GYS2: variants seen among roughly 807,000 people sequenced by gnomAD.
The protein encoded by GYS2 is glycogen synthase 2.
In GYS2, 80 loss-of-function variants were observed where a neutral mutation model predicts 85.6. That is an observed-to-expected ratio of 0.93 (90% CI 0.78 to 1.13). GYS2 has a LOEUF of 1.13. Ranked by LOEUF, GYS2 falls within the 50% of genes most tolerant of loss-of-function variation. The pLI, the probability that GYS2 is intolerant of heterozygous loss-of-function variation, is 0.00. For synonymous variants in GYS2, 328 were observed against 300.7 expected, an observed-to-expected ratio of 1.09 and a Z score of -0.94; for missense variants, 881 against 854.9, an observed-to-expected ratio of 1.03 and a Z score of -0.38.
chr12:21,580,288 C>A, intron 2 of GYS2, 54 bp downstream of exon 2: 1 of 1,467,580 alleles, frequency 6.8e-7, no homozygotes, highest in Non-Finnish European at 9.5e-7. Context: ...TAGTTACAGT[C>A]TTTTTTCCCA....
chr12:21,576,592 G>A (rs1353790464), intron 2 of GYS2, among the ~76,000 whole-genome samples: 2 of 152,128 alleles, frequency 1.3e-5, no homozygotes, highest in African/African-American at 4.8e-5. Flanking sequence ...TATGGTTGCT[G>A]CCAGAGGTTT....
chr12:21,573,931 C>A (rs143610143), intron 4 of GYS2, among the ~76,000 whole-genome samples: 88 of 152,298 alleles, frequency 5.8e-4, no homozygotes, highest in African/African-American at 2.0e-3. Flanking sequence ...AGAAATCAGG[C>A]CTCTCACCTC....
intron 13 of GYS2, 105 bp from the exon 14 acceptor site, chr12:21,540,678 T>G: frequency 5.3e-6 from 5 of 937,648 alleles, no homozygotes; most frequent in Non-Finnish European, 8.6e-6. Flanking sequence ...ACCTATGCAT[T>G]ATCTACCCCC....
intron 12 of GYS2, among the ~76,000 whole-genome samples, chr12:21,545,237 G>T (rs1396075939): frequency 6.6e-6 from 1 of 152,214 alleles, no homozygotes; most frequent in African/African-American, 2.4e-5. Flanking sequence ...GAGGCCAACA[G>T]TTTGAGACCA....
At chr12:21,594,652 G>A (rs11524002) in intron 1 of GYS2, among the ~76,000 whole-genome samples, 7,633 of 152,122 alleles carry the variant, frequency 0.05, 260 homozygotes, top group Non-Finnish European at 0.07. Context: ...AATTAATATT[G>A]TTAAAATGGC....
intron 4 of GYS2, among the ~76,000 whole-genome samples, chr12:21,570,527 A>T (rs986469088): frequency 4.6e-5 from 7 of 152,260 alleles, no homozygotes; most frequent in Non-Finnish European, 8.8e-5. Context: ...AGACTTATTC[A>T]TCTTTCTATC....
intron 7 of GYS2, 45 bp downstream of exon 7, chr12:21,562,873 G>A: frequency 6.2e-7 from 1 of 1,607,246 alleles, no homozygotes; most frequent in Non-Finnish European, 8.5e-7. Context: ...ACAGAAGAAA[G>A]TTCTCCCTAC....
intron 12 of GYS2, 75 bp downstream of exon 12, chr12:21,546,269 A>C: frequency 9.5e-7 from 1 of 1,048,816 alleles, no homozygotes; most frequent in Non-Finnish European, 1.4e-6. Context: ...ATCAACTTTG[A>C]ATATTATATA....
In GYS2 at chr12:21,580,365, C is replaced by T. The variant is rs34225615; in HGVS notation, c.280G>A (p.Ala94Thr). Residue 94 changes from alanine (A) to threonine (T), a missense_variant, in exon 2 of 16, where the codon GCA becomes ACA. Ala to Thr is a moderately conservative substitution (Grantham distance 58). Transcript: ENST00000261195. ...ACCTGGCAGCCATGCTTATTCATTG[C>T]GTCCACTGCTCTTCTGACAGCATCA... ...VNDAVRRAVD[A>T]MNKHGCQVHF... 1.5e-3 allele frequency: 2,390 copies of T among 1,613,590 alleles called. 31 individuals carry two copies. In the African/African-American group the frequency reaches 0.026, roughly 18 times the overall value.
chr12:21,569,112 T>C, intron 4 of GYS2, 103 bp from the exon 5 acceptor site: 1 of 1,158,564 alleles, frequency 8.6e-7, no homozygotes, highest in East Asian at 2.4e-5. Context: ...CAAGGCTGTG[T>C]AAAAATTTAT....
At chr12:21,549,958 T>G (rs1944086677) in intron 11 of GYS2, among the ~76,000 whole-genome samples, 1 of 152,228 alleles carries the variant, frequency 6.6e-6, no homozygotes, top group Non-Finnish European at 1.5e-5. Flanking sequence ...TTAATTAATA[T>G]TTGTATTGGA....
intron 2 of GYS2, among the ~76,000 whole-genome samples, chr12:21,578,456 G>C (rs888237684): frequency 3.3e-5 from 5 of 152,140 alleles, no homozygotes; most frequent in African/African-American, 1.2e-4. Context: ...TCAGACTGCA[G>C]ACTGCTCCTG....
Position 21,543,491 on chromosome 12 carries a change from T to C in GYS2, c.1550-900A>G, listed in dbSNP as rs201190246. On this transcript the variant is annotated intron_variant, in intron 12 of 15. Transcript: ENST00000261195. ...CCAGAAATATTCTTCTTTTTTTAAT[T>C]TTTACACACTTTTATTTCCTCAGAC... Among the ~76,000 whole-genome samples, 5 of 152,260 alleles carry C rather than the reference T, an allele frequency of 3.3e-5. No homozygotes were observed. The East Asian group carries it at 9.7e-4, about 29-fold the overall frequency.
At chr12:21,601,973 T>A (rs1345139877) in intron 1 of GYS2, among the ~76,000 whole-genome samples, 3 of 152,264 alleles carry the variant, frequency 2.0e-5, no homozygotes, top group African/African-American at 7.2e-5. Context: ...ATCTGTTATG[T>A]TTTTCACGTT....
At chr12:21,544,913 T>A (rs1177749641) in intron 12 of GYS2, among the ~76,000 whole-genome samples, 11 of 148,968 alleles carry the variant, frequency 7.4e-5, no homozygotes, top group Non-Finnish European at 1.6e-4. Flanking sequence ...GTTCCTGCTG[T>A]AAATAATACA....
downstream of GYS2, among the ~76,000 whole-genome samples, chr12:21,534,190 T>G (rs111630353): frequency 1.4e-3 from 209 of 152,278 alleles, 1 homozygote; most frequent in African/African-American, 4.8e-3. Flanking sequence ...GGATTTATAT[T>G]CTGATAGGCC....
chr12:21,577,982 C>A (rs917990002), intron 2 of GYS2, among the ~76,000 whole-genome samples: 13 of 152,162 alleles, frequency 8.5e-5, no homozygotes, highest in African/African-American at 2.7e-4. Context: ...CTCATGGTTA[C>A]TTGACCTTAT....
chr12:21,578,412 G>A (rs913063025), intron 2 of GYS2, among the ~76,000 whole-genome samples: 3 of 152,046 alleles, frequency 2.0e-5, no homozygotes, highest in African/African-American at 7.2e-5. Flanking sequence ...AAACAACACT[G>A]GATCTTCATC....
chr12:21,598,319 T>C (rs924474339), intron 1 of GYS2, among the ~76,000 whole-genome samples: 2 of 152,076 alleles, frequency 1.3e-5, no homozygotes, highest in African/African-American at 4.8e-5. Flanking sequence ...ACCTGATACA[T>C]ATAAACACGT....
Sources: gnomAD v4.1 joint callset for allele counts (sites outside exome capture counted in the v4.1 genomes callset) on GRCh38, gnomAD v4.1.1 for gene constraint, MANE v1.5 for transcripts, NCBI Gene and HGNC (gene_info 2026-07-23, HGNC 2026-07-21) for gene names.